The following FHIT variants were observed in gnomAD, a reference collection of about 807,000 sequenced individuals.
FHIT encodes bis(5'-adenosyl)-triphosphatase.
A neutral mutation model predicts 17.9 loss-of-function variants in FHIT; 19 were observed. That is an observed-to-expected ratio of 1.06 (90% confidence interval 0.74 to 1.56). The LOEUF is 1.56. Among genes scored for constraint, FHIT ranks in the 40% most tolerant of loss-of-function variants. FHIT has a pLI of 0.00. For synonymous variants in FHIT, 81 were observed against 69.7 expected (o/e 1.16, Z -0.81); for missense variants, 248 against 189.2 (o/e 1.31, Z -1.82).
At chr3:60,981,245 A>T (rs1439783518) in intron 3 of FHIT, among the ~76,000 whole-genome samples, 3 of 151,662 alleles carry the variant, frequency 2.0e-5, no homozygotes, top group Non-Finnish European at 2.9e-5. Context: ...CTAAGGTCCC[A>T]AGGCAACATC....
At chr3:60,349,684 G>A (rs551332118) in intron 5 of FHIT, among the ~76,000 whole-genome samples, 287 of 152,218 alleles carry the variant, frequency 1.9e-3, no homozygotes, top group African/African-American at 6.6e-3. Context: ...ATAGCTTCCT[G>A]AGAAAAAGCA....
At chr3:59,754,274 G>T (rs1336500562) in intron 8 of FHIT, among the ~76,000 whole-genome samples, 1 of 152,122 alleles carries the variant, frequency 6.6e-6, no homozygotes, top group Non-Finnish European at 1.5e-5. Context: ...ATTTATGAGG[G>T]TCATGGATCT....
intron 3 of FHIT, among the ~76,000 whole-genome samples, chr3:60,901,989 T>G (rs1706138778): frequency 6.6e-6 from 1 of 152,182 alleles, no homozygotes; most frequent in South Asian, 2.1e-4. Flanking sequence ...GTAATAGCAT[T>G]TTTGTTTGCT....
chr3:60,055,764 C>A (rs996744037), intron 5 of FHIT, among the ~76,000 whole-genome samples: 28 of 152,118 alleles, frequency 1.8e-4, no homozygotes, highest in Non-Finnish European at 1.6e-4. Context: ...GACTTGCCAA[C>A]AGTCACACAA....
chr3:59,832,437 C>A (rs901293273), intron 8 of FHIT, among the ~76,000 whole-genome samples: 1 of 152,142 alleles, frequency 6.6e-6, no homozygotes, highest in Non-Finnish European at 1.5e-5. Flanking sequence ...AACATCCAGC[C>A]ACATTGTCTG....
At chr3:60,173,918 T>TATA (rs375142735) in intron 5 of FHIT, among the ~76,000 whole-genome samples, 2 of 46,870 alleles carry the variant, frequency 4.3e-5, no homozygotes, top group Non-Finnish European at 7.1e-5. Context: ...TATATATATG[T>TATA]TTTTTTTTTT....
intron 4 of FHIT, among the ~76,000 whole-genome samples, chr3:60,557,332 CT>C (rs1298927443): frequency 6.6e-6 from 1 of 151,936 alleles, no homozygotes; most frequent in Admixed American, 6.6e-5. Flanking sequence ...ATGTGCTGTA[CT>C]TTTTTCATGT....
chr3:60,653,007 AC>A (rs1302041358), intron 4 of FHIT, among the ~76,000 whole-genome samples: 1 of 152,122 alleles, frequency 6.6e-6, no homozygotes, highest in Non-Finnish European at 1.5e-5. Context: ...CACACCCTAA[AC>A]TGAAACTCTT....
intron 6 of FHIT, among the ~76,000 whole-genome samples, chr3:60,013,307 C>A (rs1001265866): frequency 6.6e-6 from 1 of 152,170 alleles, no homozygotes; most frequent in Non-Finnish European, 1.5e-5. Flanking sequence ...AGGGCAATTA[C>A]AGAGTCATCC....
At chr3:60,904,860 A>T (rs1327145143) in intron 3 of FHIT, among the ~76,000 whole-genome samples, 1 of 150,532 alleles carries the variant, frequency 6.6e-6, no homozygotes, top group African/African-American at 2.4e-5. Flanking sequence ...AATTGCTTGA[A>T]CCCGGGAGGC....
chr3:60,533,281 T>C (rs2035853394), intron 5 of FHIT, among the ~76,000 whole-genome samples: 1 of 152,172 alleles, frequency 6.6e-6, no homozygotes, highest in South Asian at 2.1e-4. Context: ...AAAGGTGGGA[T>C]TTCGGCACAT....
intron 4 of FHIT, among the ~76,000 whole-genome samples, chr3:60,705,803 C>T (rs782402741): frequency 7.9e-5 from 12 of 152,298 alleles, no homozygotes; most frequent in Admixed American, 2.0e-4. Context: ...CCCACCATCT[C>T]TCCAGCTGTC....
chr3:59,802,612 G>T (rs1700043415), intron 8 of FHIT, among the ~76,000 whole-genome samples: 1 of 151,982 alleles, frequency 6.6e-6, no homozygotes, highest in Non-Finnish European at 1.5e-5. Flanking sequence ...CTGTAAAACG[G>T]CCCCACCCCA....
At chr3:61,248,304 G>A (rs1466406470) in intron 1 of FHIT, among the ~76,000 whole-genome samples, 1 of 152,102 alleles carries the variant, frequency 6.6e-6, no homozygotes, top group Non-Finnish European at 1.5e-5. Flanking sequence ...AGTTGGGAGA[G>A]CGTGGGGGTG....
At chr3:59,813,218 T>C (rs1455703190) in intron 8 of FHIT, among the ~76,000 whole-genome samples, 2 of 152,220 alleles carry the variant, frequency 1.3e-5, no homozygotes, top group Non-Finnish European at 2.9e-5. Context: ...TATAAGCATT[T>C]CATAACATCT....
intron 1 of FHIT, among the ~76,000 whole-genome samples, chr3:61,212,047 T>C (rs149114999): frequency 0.11 from 16,227 of 151,866 alleles, 1,058 homozygotes; most frequent in South Asian, 0.22. Flanking sequence ...ACCACAAAGA[T>C]GGGAAAAAAC....
At chr3:60,750,729 C>T (rs1443195916) in intron 4 of FHIT, among the ~76,000 whole-genome samples, 3 of 152,300 alleles carry the variant, frequency 2.0e-5, no homozygotes, top group East Asian at 3.9e-4. Context: ...CAGACTAATA[C>T]ACCTCCCAGC....
At chr3:60,512,157 G>C (rs1434820265) in intron 5 of FHIT, among the ~76,000 whole-genome samples, 1 of 152,166 alleles carries the variant, frequency 6.6e-6, no homozygotes, top group Non-Finnish European at 1.5e-5. Flanking sequence ...TCTTATTGTG[G>C]AACAAGACAT....
intron 4 of FHIT, among the ~76,000 whole-genome samples, chr3:60,731,403 AG>A (rs1258551208): frequency 6.6e-6 from 1 of 152,138 alleles, no homozygotes; most frequent in Non-Finnish European, 1.5e-5. Context: ...CACTTGGAGG[AG>A]GGCCAAGTGA....
Sources: gnomAD v4.1 joint callset for allele counts (sites outside exome capture counted in the v4.1 genomes callset) on GRCh38, gnomAD v4.1.1 for gene constraint, MANE v1.5 for transcripts, NCBI Gene and HGNC (gene_info 2026-07-23, HGNC 2026-07-21) for gene names.